Variants in NDUFAF4 observed in about 807,000 individuals in gnomAD.
NDUFAF4 encodes NADH dehydrogenase [ubiquinone] 1 alpha subcomplex assembly factor 4.
In NDUFAF4, 10 loss-of-function variants were observed where a neutral mutation model predicts 15.6. The ratio of observed to expected loss-of-function variants is 0.64; its 90% CI spans 0.40 to 1.09. The LOEUF (loss-of-function observed/expected upper bound fraction) is 1.09, where lower values mean the gene tolerates loss of function less well. Among genes scored for constraint, NDUFAF4 ranks in the 50% least tolerant of loss-of-function variants. The probability of loss-of-function intolerance (pLI) is 0.01; values close to 1 mark genes in which losing one functional copy is unlikely to be tolerated. For missense variants in NDUFAF4, 203 were observed against 207.3 expected, an observed-to-expected ratio of 0.98 and a Z score of 0.13; for synonymous variants, 77 against 73.3, an observed-to-expected ratio of 1.05 and a Z score of -0.26.
chr6:96,891,946 G>A (rs1165529442), intron 2 of NDUFAF4, among the ~76,000 whole-genome samples: 1 of 151,736 alleles, frequency 6.6e-6, no homozygotes, highest in East Asian at 1.9e-4. Context: ...TAGTACTTTT[G>A]CCACATTGCC....
At chr6:96,894,718 A>G (rs1043805771) in intron 2 of NDUFAF4, among the ~76,000 whole-genome samples, 10 of 152,318 alleles carry the variant, frequency 6.6e-5, no homozygotes, top group African/African-American at 2.2e-4. Context: ...TAAAGTGAAA[A>G]AAGCTCCCAT....
At chr6:96,897,040 C>A in intron 1 of NDUFAF4, 193 bp from the exon 2 acceptor site, 1 of 526,244 alleles carries the variant, frequency 1.9e-6, no homozygotes, top group Non-Finnish European at 3.4e-6. Context: ...GATTCTCCCA[C>A]CTCAGCCTCC....
At chr6:96,896,941 T>A in intron 1 of NDUFAF4, 94 bp from the exon 2 acceptor site, 1 of 977,722 alleles carries the variant, frequency 1.0e-6, no homozygotes, top group Non-Finnish European at 1.6e-6. Flanking sequence ...TTATTTTCTT[T>A]TTTGAGTCGG....
In NDUFAF4 at chr6:96,897,802, C is replaced by T. The variant is rs145481564; in HGVS notation, c.-1G>A. 4 of 1,614,156 alleles carry T rather than the reference C, an allele frequency of 2.5e-6. No homozygotes were observed. The highest frequency in any genetic ancestry group is 3.4e-6 in the Non-Finnish European group (4 of 1,179,984). On this transcript the variant is annotated 5_prime_UTR_variant, in exon 1 of 3. Transcript: ENST00000316149. ...TACCGCGAATCACTAGTGCTCCCAT[C>T]TCCTCATAACATTATGCGCTCAGGT...
At position 96,895,593 on chromosome 6, in the gene NDUFAF4, T is replaced by A. The variant is rs117344566; in HGVS notation, c.240+1151A>T. ...TTATACATACAAAGCATTAATTTTT[T>A]TTTGCTCCCAAGAGTGAATTTTCAG... On this transcript the variant is annotated intron_variant, in intron 2 of 2. Coordinates refer to ENST00000316149, the MANE Select transcript of NDUFAF4 (RefSeq NM_014165.4). 1.2e-3 allele frequency among the ~76,000 whole-genome samples: 180 copies of A among 152,282 alleles called. 1 individual carries two copies. In the East Asian group the frequency reaches 0.028, roughly 24 times the overall value.
rs562058464 is a variant in NDUFAF4 at position 96,893,998 on chromosome 6, C to A, written c.241-2607G>T. ...TTAGAAAAGAGAATCAACTGAAAAC[C>A]TAACAGAAATAATAACCTAGCAATG... is the stretch of plus-strand genomic sequence containing the variant. On this transcript the variant is annotated intron_variant, in intron 2 of 2. Transcript: ENST00000316149. Among the ~76,000 whole-genome samples the A allele has an allele frequency of 7.2e-5, 11 of 152,180 alleles. No individual in the cohort carries two copies. The East Asian group carries it at 2.1e-3, about 29-fold the overall frequency.
intron 2 of NDUFAF4, among the ~76,000 whole-genome samples, chr6:96,895,779 T>C (rs1390963428): frequency 1.3e-5 from 2 of 152,196 alleles, no homozygotes; most frequent in South Asian, 2.1e-4. Flanking sequence ...GATTAACAAA[T>C]CTTGTTTTAT....
chr6:96,895,899 T>C (rs1427964632), intron 2 of NDUFAF4, among the ~76,000 whole-genome samples: 2 of 152,170 alleles, frequency 1.3e-5, no homozygotes, highest in Non-Finnish European at 2.9e-5. Context: ...TGGAAGTTGT[T>C]GGCACTTCCT....
intron 2 of NDUFAF4, among the ~76,000 whole-genome samples, chr6:96,894,482 G>A (rs1257873310): frequency 3.3e-5 from 5 of 152,184 alleles, no homozygotes; most frequent in South Asian, 2.1e-4. Context: ...ATCATATGGC[G>A]AGAGTGCTAA....
chr6:96,893,892 C>T (rs946560991), intron 2 of NDUFAF4, among the ~76,000 whole-genome samples: 1 of 152,070 alleles, frequency 6.6e-6, no homozygotes, highest in Non-Finnish European at 1.5e-5. Context: ...CTTTCACTGG[C>T]ATGTTAATGT....
At chr6:96,891,844 A>G (rs1775320788) in intron 2 of NDUFAF4, among the ~76,000 whole-genome samples, 1 of 151,992 alleles carries the variant, frequency 6.6e-6, no homozygotes, top group Non-Finnish European at 1.5e-5. Flanking sequence ...AGTCTCATGT[A>G]TTTCTTTACA....
At chr6:96,893,707 G>A (rs1352548240) in intron 2 of NDUFAF4, among the ~76,000 whole-genome samples, 13 of 145,602 alleles carry the variant, frequency 8.9e-5, no homozygotes, top group South Asian at 2.2e-4. Context: ...AATCTAAGAA[G>A]ATTCAAAATC....
rs1775302507 is a variant in NDUFAF4, at chr6:96,890,586, A to G, written c.*518T>C. ...TCCCTGGAGTAGTAATTTTAATTAG[A>G]TTCTATTGATTCATTTTCTCCTGTG... is the stretch of plus-strand genomic sequence containing the variant. On this transcript the variant is annotated 3_prime_UTR_variant, in exon 3 of 3. Transcript: ENST00000316149. 1.3e-5 allele frequency: 2 copies of G among 153,170 alleles called. No homozygotes were observed. The highest frequency in any genetic ancestry group is 4.8e-5 in the African/African-American group (2 of 41,462). 9.5% of individuals were successfully genotyped at this position (153,170 alleles called of 1,614,324 possible). A position where few individuals can be genotyped will look rare whatever the true frequency, so the allele number is the denominator to read the frequency against.
At chr6:96,897,174 C>G (rs1775390403) in intron 1 of NDUFAF4, among the ~76,000 whole-genome samples, 1 of 152,196 alleles carries the variant, frequency 6.6e-6, no homozygotes, top group Non-Finnish European at 1.5e-5. Context: ...ATCTGCCCGC[C>G]TCGGCCTCCC....
intron 2 of NDUFAF4, 97 bp from the exon 3 acceptor site, chr6:96,891,488 T>A: frequency 2.4e-6 from 3 of 1,272,616 alleles, no homozygotes; most frequent in Non-Finnish European, 2.2e-6. Flanking sequence ...AAATAACAAC[T>A]AATATGGTTT....
rs779545141 is a variant in NDUFAF4, at chr6:96,891,282, A to C, written c.350T>G (p.Val117Gly). ...KSIPKGKISI[V>G]EALTLLNNHK... ...ATTATTGAGAAGTGTCAATGCTTCT[A>C]CAATGGAAATTTTGCCTTTGGGAAT... The change falls in exon 3 of 3, where the codon GTA becomes GGA. Residue 117 changes from valine to glycine, a missense_variant. By Grantham distance (109) the Val-to-Gly change is moderately radical. Transcript: ENST00000316149. 1.9e-6 allele frequency: 3 copies of C among 1,613,890 alleles called. No individual in the cohort carries two copies. The highest frequency in any genetic ancestry group is 2.2e-5 in the East Asian group (1 of 44,852).
intron 2 of NDUFAF4, among the ~76,000 whole-genome samples, chr6:96,895,748 C>G (rs1432192050): frequency 6.6e-6 from 1 of 152,090 alleles, no homozygotes; most frequent in Non-Finnish European, 1.5e-5. Flanking sequence ...ATAACTGAAC[C>G]CTACAATTAC....
chr6:96,892,200 T>A (rs1562144601), intron 2 of NDUFAF4, among the ~76,000 whole-genome samples: 1 of 152,206 alleles, frequency 6.6e-6, no homozygotes, highest in Non-Finnish European at 1.5e-5. Context: ...ACACCTTGAA[T>A]GAATTGAAAT....
At position 96,890,169 on chromosome 6, in the gene NDUFAF4, T is replaced by C. The variant is rs570030758; in HGVS notation, c.*935A>G. On this transcript the variant is annotated 3_prime_UTR_variant, in exon 3 of 3. Coordinates refer to ENST00000316149, the MANE Select transcript of NDUFAF4 (RefSeq NM_014165.4). ...ATTAAATTTGCTAAAATGGATGAAATGGCAATTTCTCAGGTCCCTTCCAAT... is the reference window on the plus strand; with the variant it reads ...ATTAAATTTGCTAAAATGGATGAAACGGCAATTTCTCAGGTCCCTTCCAAT... 6.6e-6 allele frequency: 1 copy of C among 152,166 alleles called. No individual in the cohort carries two copies. The highest frequency in any genetic ancestry group is 1.5e-5 in the Non-Finnish European group (1 of 68,030). 9.4% of individuals were successfully genotyped at this position (152,166 alleles called of 1,614,324 possible). A position where few individuals can be genotyped will look rare whatever the true frequency, so the allele number is the denominator to read the frequency against.
Sources: gnomAD v4.1 joint callset for allele counts (sites outside exome capture counted in the v4.1 genomes callset) on GRCh38, gnomAD v4.1.1 for gene constraint, MANE v1.5 for transcripts, NCBI Gene and HGNC (gene_info 2026-07-23, HGNC 2026-07-21) for gene names.